Variants in IL19 observed in about 807,000 individuals in gnomAD.
The protein encoded by IL19 is interleukin 19, also known as interleukin-19.
IL19 carries 15 observed loss-of-function variants against 19.5 expected under a neutral mutation model. The ratio of observed to expected loss-of-function variants is 0.77; its 90% CI spans 0.52 to 1.19. IL19 has a LOEUF of 1.19. Ranked by LOEUF, IL19 falls within the 50% of genes most tolerant of loss-of-function variation. The pLI, the probability that IL19 is intolerant of heterozygous loss-of-function variation, is 0.00. For missense variants in IL19, 199 were observed against 213.1 expected (o/e 0.93, Z 0.41); for synonymous variants, 78 against 78.3 (o/e 1.00, Z 0.02).
At chr1:206,771,174 C>T in intron 1 of IL19, 96 bp downstream of exon 1, 1 of 1,304,478 alleles carries the variant, frequency 7.7e-7, no homozygotes, top group Non-Finnish European at 1.1e-6. Flanking sequence ...TCACCAGAAG[C>T]CTCCCCGAAG....
At chr1:206,792,294 A>G (rs1675426336) in intron 1 of IL19, among the ~76,000 whole-genome samples, 1 of 152,120 alleles carries the variant, frequency 6.6e-6, no homozygotes, top group Non-Finnish European at 1.5e-5. Flanking sequence ...TCCCTTTCCC[A>G]ACCTGGCACG....
intron 2 of IL19, among the ~76,000 whole-genome samples, chr1:206,822,576 A>G (rs1480642056): frequency 6.6e-6 from 1 of 152,164 alleles, no homozygotes; most frequent in Non-Finnish European, 1.5e-5. Flanking sequence ...AGTTTTATCA[A>G]TCTGTGTTAT....
chr1:206,792,449 T>TC (rs1277359359), intron 1 of IL19, among the ~76,000 whole-genome samples: 1 of 151,690 alleles, frequency 6.6e-6, no homozygotes, highest in South Asian at 2.1e-4. Flanking sequence ...ACATTCACAA[T>TC]CCCCCCACCC....
At chr1:206,805,143 C>T (rs1675817714) in intron 2 of IL19, among the ~76,000 whole-genome samples, 1 of 152,194 alleles carries the variant, frequency 6.6e-6, no homozygotes, top group Non-Finnish European at 1.5e-5. Flanking sequence ...AGTTAGCTGC[C>T]TGGGATGGTT....
intron 2 of IL19, among the ~76,000 whole-genome samples, chr1:206,805,579 T>A (rs1675827774): frequency 6.6e-6 from 1 of 152,212 alleles, no homozygotes. Flanking sequence ...AGCTTACAAA[T>A]GGACACTGCA....
intron 4 of IL19, 24 bp downstream of exon 4, chr1:206,837,047 C>T: frequency 6.3e-7 from 1 of 1,584,300 alleles, no homozygotes; most frequent in East Asian, 2.2e-5. Context: ...TCTGCTTTTT[C>T]CAGTATTTTT....
chr1:206,821,463 C>A (rs1676289324), intron 2 of IL19, among the ~76,000 whole-genome samples: 2 of 151,802 alleles, frequency 1.3e-5, no homozygotes, highest in South Asian at 2.1e-4. Flanking sequence ...GCCAAAGGTT[C>A]TTTTTGCTCT....
intron 2 of IL19, among the ~76,000 whole-genome samples, chr1:206,800,899 G>A (rs1481832761): frequency 2.0e-5 from 3 of 152,186 alleles, no homozygotes; most frequent in African/African-American, 7.2e-5. Context: ...TGAGGACCAG[G>A]CACAGCCTGG....
At chr1:206,827,847 A>G (rs978741096) in intron 2 of IL19, among the ~76,000 whole-genome samples, 9 of 152,218 alleles carry the variant, frequency 5.9e-5, no homozygotes, top group Admixed American at 5.9e-4. Context: ...GACTGCACGC[A>G]GCTGTACCAC....
intron 2 of IL19, among the ~76,000 whole-genome samples, chr1:206,817,418 T>A (rs961067650): frequency 6.6e-6 from 1 of 152,230 alleles, no homozygotes; most frequent in African/African-American, 2.4e-5. Context: ...AGCTTTTCTT[T>A]TCTCAAAAAC....
chr1:206,791,906 T>C (rs936196575), intron 1 of IL19, among the ~76,000 whole-genome samples: 1 of 152,156 alleles, frequency 6.6e-6, no homozygotes, highest in Non-Finnish European at 1.5e-5. Flanking sequence ...TCTAAGTAAA[T>C]TGGAATGTTC....
chr1:206,840,978 T>C, intron 5 of IL19, 26 bp from the exon 6 acceptor site: 1 of 1,602,890 alleles, frequency 6.2e-7, no homozygotes, highest in Non-Finnish European at 8.5e-7. Flanking sequence ...TGTCCTCTGA[T>C]AGGAGCTTCC....
At chr1:206,829,484 G>A (rs1462164157) in intron 2 of IL19, among the ~76,000 whole-genome samples, 1 of 152,064 alleles carries the variant, frequency 6.6e-6, no homozygotes, top group African/African-American at 2.4e-5. Context: ...GAGGCAGCGG[G>A]GCTTTCTAGG....
intron 1 of IL19, among the ~76,000 whole-genome samples, chr1:206,786,898 C>T (rs1675281483): frequency 6.6e-6 from 1 of 152,168 alleles, no homozygotes; most frequent in Non-Finnish European, 1.5e-5. Flanking sequence ...CACCGGAGAA[C>T]AGAACGCATT....
At chr1:206,776,157 G>A (rs1674985027) in intron 1 of IL19, among the ~76,000 whole-genome samples, 1 of 152,140 alleles carries the variant, frequency 6.6e-6, no homozygotes, top group Non-Finnish European at 1.5e-5. Context: ...AGTAAGCATG[G>A]CTTTTAAAAG....
intron 1 of IL19, among the ~76,000 whole-genome samples, chr1:206,790,566 C>T (rs1341056205): frequency 6.6e-6 from 1 of 152,174 alleles, no homozygotes; most frequent in African/African-American, 2.4e-5. Context: ...CCAGAGCCAA[C>T]GGCCTGTGTC....
At chr1:206,803,247 A>C (rs1226257391) in intron 2 of IL19, among the ~76,000 whole-genome samples, 1 of 152,122 alleles carries the variant, frequency 6.6e-6, no homozygotes, top group Non-Finnish European at 1.5e-5. Flanking sequence ...TGCTGAGAGA[A>C]CTTGGGGTGC....
intron 1 of IL19, chr1:206,772,497 A>T (rs1674883398): frequency 6.9e-7 from 1 of 1,453,594 alleles, no homozygotes; most frequent in African/African-American, 1.4e-5. Context: ...TGATGTGTAG[A>T]CCTTCACCTC....
intron 2 of IL19, among the ~76,000 whole-genome samples, chr1:206,822,836 A>C (rs1213757640): frequency 3.3e-5 from 5 of 152,040 alleles, no homozygotes; most frequent in African/African-American, 7.2e-5. Flanking sequence ...CAGCTGAATG[A>C]ATGTGTAAGT....
Sources: gnomAD v4.1 joint callset for allele counts (sites outside exome capture counted in the v4.1 genomes callset) on GRCh38, gnomAD v4.1.1 for gene constraint, MANE v1.5 for transcripts, NCBI Gene and HGNC (gene_info 2026-07-23, HGNC 2026-07-21) for gene names.